Variants in CCDC148 observed in about 807,000 individuals in gnomAD.
The protein encoded by CCDC148 is coiled-coil domain-containing protein 148.
In CCDC148, 89 loss-of-function variants were observed where a neutral mutation model predicts 85.7. The ratio of observed to expected loss-of-function variants is 1.04; its 90% CI spans 0.87 to 1.24. The LOEUF (loss-of-function observed/expected upper bound fraction) is 1.24, where lower values mean the gene tolerates loss of function less well. CCDC148 is among the 50% of genes most tolerant of loss of function. The probability of loss-of-function intolerance (pLI) is 0.00; values close to 1 mark genes in which losing one functional copy is unlikely to be tolerated. For missense variants in CCDC148, 692 were observed against 671.7 expected (o/e 1.03, Z -0.33); for synonymous variants, 230 against 213.9 (o/e 1.08, Z -0.66).
intron 1 of CCDC148, among the ~76,000 whole-genome samples, chr2:158,417,898 G>A (rs987381635): frequency 6.6e-6 from 1 of 152,178 alleles, no homozygotes; most frequent in African/African-American, 2.4e-5. Flanking sequence ...GTAATTAAAA[G>A]ATGGATACTA....
intron 11 of CCDC148, among the ~76,000 whole-genome samples, chr2:158,216,546 G>A (rs1010501743): frequency 2.6e-5 from 4 of 151,644 alleles, no homozygotes; most frequent in African/African-American, 9.7e-5. Context: ...ACAGGTGCGT[G>A]CCACCATGCC....
intron 7 of CCDC148, among the ~76,000 whole-genome samples, chr2:158,337,384 C>T (rs1298005631): frequency 1.3e-5 from 2 of 152,108 alleles, no homozygotes; most frequent in East Asian, 1.9e-4. Flanking sequence ...AACAAAAAAT[C>T]CTCTTCCTCT....
At chr2:158,233,617 A>G (rs947649629) in intron 10 of CCDC148, among the ~76,000 whole-genome samples, 2 of 151,938 alleles carry the variant, frequency 1.3e-5, no homozygotes, top group African/African-American at 4.8e-5. Context: ...TGAATCCAAA[A>G]ACATCTGGAT....
chr2:158,251,030 T>A, intron 9 of CCDC148, 118 bp from the exon 10 acceptor site: 1 of 894,616 alleles, frequency 1.1e-6, no homozygotes, highest in Non-Finnish European at 1.7e-6. Flanking sequence ...AATAAATGTT[T>A]AAATTCTATG....
chr2:158,340,189 G>T, intron 5 of CCDC148, 53 bp downstream of exon 5: 1 of 1,558,204 alleles, frequency 6.4e-7, no homozygotes. Context: ...AACTCTTCTA[G>T]TTGGGACAAA....
At chr2:158,281,308 A>G (rs1278950239) in intron 9 of CCDC148, among the ~76,000 whole-genome samples, 1 of 152,166 alleles carries the variant, frequency 6.6e-6, no homozygotes, top group Non-Finnish European at 1.5e-5. Context: ...AGAGACACAA[A>G]AAACCCTTCA....
intron 7 of CCDC148, among the ~76,000 whole-genome samples, chr2:158,330,903 C>G (rs951181958): frequency 6.6e-5 from 10 of 151,920 alleles, no homozygotes; most frequent in Non-Finnish European, 1.5e-4. Context: ...CCTCTCTTTT[C>G]TTCTTTATTA....
intron 11 of CCDC148, among the ~76,000 whole-genome samples, chr2:158,203,118 G>A (rs1464935708): frequency 6.6e-6 from 1 of 152,088 alleles, no homozygotes; most frequent in Non-Finnish European, 1.5e-5. Context: ...CTGGAACCTT[G>A]GTCTGTTAGT....
At chr2:158,401,467 G>A (rs911382762) in intron 1 of CCDC148, among the ~76,000 whole-genome samples, 5 of 152,156 alleles carry the variant, frequency 3.3e-5, no homozygotes, top group South Asian at 2.1e-4. Context: ...ACCAAACACT[G>A]CATATTCTCA....
chr2:158,250,837 C>G lies in CCDC148; in HGVS notation c.1186G>C (p.Glu396Gln). 1 of 1,606,434 alleles carries G rather than the reference C, an allele frequency of 6.2e-7. No individual in the cohort carries two copies. Among genetic ancestry groups the G allele is most frequent in the African/African-American group, 1.3e-5 (1 of 74,596 alleles). Residue 396 changes from glutamate to glutamine, a missense_variant, in exon 10 of 14, where the codon GAA becomes CAA. Coordinates refer to ENST00000283233, the MANE Select transcript of CCDC148 (RefSeq NM_138803.4). ...MEISARRREK[E>Q]EEKEKLWKKK... is the part of the protein sequence containing the mutation. ...TTCCACAGTTTCTCTTTCTCCTCTT[C>G]CTTTTCTCTTCTTCTGGCAGAAATT...
chr2:158,214,945 C>A (rs1686769802), intron 11 of CCDC148, among the ~76,000 whole-genome samples: 1 of 152,050 alleles, frequency 6.6e-6, no homozygotes, highest in South Asian at 2.1e-4. Context: ...AAATCAACAA[C>A]ATTTCTAAGT....
In CCDC148 at chr2:158,178,903, C is replaced by T. The variant is rs777129609; in HGVS notation, c.1464G>A (p.Arg488=). ...QEAHEDKERA[R]RLEALRKQVA... ...CCTGTTTCCTAAGGGCTTCTAGCCGCCGTGCTCTCTCTTTGTCTTCATGAG... is the reference window on the plus strand; with the variant it reads ...CCTGTTTCCTAAGGGCTTCTAGCCGTCGTGCTCTCTCTTTGTCTTCATGAG... Residue 488 remains arginine (R), a synonymous_variant, in exon 12 of 14, where the codon CGG becomes CGA. Transcript: ENST00000283233. The T allele has an allele frequency of 1.2e-6, 2 of 1,613,522 alleles. No homozygotes were observed. Among genetic ancestry groups the T allele is most frequent in the Non-Finnish European group, 1.7e-6 (2 of 1,179,666 alleles).
chr2:158,421,814 A>C (rs1170594475), intron 1 of CCDC148, among the ~76,000 whole-genome samples: 1 of 152,202 alleles, frequency 6.6e-6, no homozygotes, highest in Non-Finnish European at 1.5e-5. Flanking sequence ...GTTTGTTGAA[A>C]AGATCAACAA....
At chr2:158,231,238 T>C (rs1236039171) in intron 10 of CCDC148, among the ~76,000 whole-genome samples, 1 of 152,188 alleles carries the variant, frequency 6.6e-6, no homozygotes, top group East Asian at 1.9e-4. Context: ...GCTTATTTGC[T>C]TTTCTGCACA....
intron 1 of CCDC148, among the ~76,000 whole-genome samples, chr2:158,440,490 A>C (rs1687885286): frequency 6.6e-6 from 1 of 152,162 alleles, no homozygotes; most frequent in Non-Finnish European, 1.5e-5. Flanking sequence ...TATTCTCAGG[A>C]GATGCATTCA....
At chr2:158,290,151 A>G (rs1345044107) in intron 9 of CCDC148, among the ~76,000 whole-genome samples, 1 of 152,210 alleles carries the variant, frequency 6.6e-6, no homozygotes, top group African/African-American at 2.4e-5. Context: ...TGAGGCACAC[A>G]GGAGAGGGAG....
chr2:158,436,023 T>C (rs1419377550), intron 1 of CCDC148, among the ~76,000 whole-genome samples: 1 of 152,054 alleles, frequency 6.6e-6, no homozygotes, highest in Non-Finnish European at 1.5e-5. Context: ...CACACAATAA[T>C]AATGGGAGAC....
chr2:158,391,454 A>G (rs1685304466), intron 1 of CCDC148, among the ~76,000 whole-genome samples: 1 of 152,208 alleles, frequency 6.6e-6, no homozygotes, highest in Non-Finnish European at 1.5e-5. Flanking sequence ...ATGAGACTTT[A>G]TACTACTAGT....
chr2:158,294,833 A>C (rs922448440), intron 9 of CCDC148, among the ~76,000 whole-genome samples: 12 of 119,366 alleles, frequency 1.0e-4, no homozygotes, highest in African/African-American at 3.9e-4. Context: ...AAAAAAAAAA[A>C]CAAAAAAAAA....
Sources: gnomAD v4.1 joint callset for allele counts (sites outside exome capture counted in the v4.1 genomes callset) on GRCh38, gnomAD v4.1.1 for gene constraint, MANE v1.5 for transcripts, NCBI Gene and HGNC (gene_info 2026-07-23, HGNC 2026-07-21) for gene names.